Variants in SYNE2 observed in about 807,000 individuals in gnomAD.
SYNE2 encodes spectrin repeat containing nuclear envelope protein 2, also known as nesprin-2.
SYNE2 carries 431 observed loss-of-function variants against 856.3 expected under a neutral mutation model. That is an observed-to-expected ratio of 0.50 (90% CI 0.47 to 0.55). The LOEUF is 0.55. Among genes scored for constraint, SYNE2 ranks in the 20% least tolerant of loss-of-function variants. The pLI is 0.00. For missense variants in SYNE2, 8,129 were observed against 8,023.2 expected (o/e 1.01, Z -0.50); for synonymous variants, 2,923 against 2,872.3 (o/e 1.02, Z -0.56).
chr14:64,019,480 G>A (rs1479876325), intron 34 of SYNE2, among the ~76,000 whole-genome samples: 1 of 152,072 alleles, frequency 6.6e-6, no homozygotes. Context: ...AAGTTTCCTG[G>A]ATAAATGATA....
chr14:64,148,992 T>TTTC (rs1384589224), intron 84 of SYNE2, among the ~76,000 whole-genome samples: 2 of 151,708 alleles, frequency 1.3e-5, no homozygotes, highest in Non-Finnish European at 2.9e-5. Context: ...TTTTTTTTTT[T>TTTC]TCCACTATTC....
At chr14:63,847,577 T>C (rs912424717) in intron 1 of SYNE2, among the ~76,000 whole-genome samples, 4 of 151,784 alleles carry the variant, frequency 2.6e-5, no homozygotes, top group African/African-American at 9.7e-5. Flanking sequence ...GAAGAAAGTA[T>C]GTTCTGTATT....
chr14:64,061,909 C>T (rs551770139), intron 49 of SYNE2, among the ~76,000 whole-genome samples: 20 of 152,316 alleles, frequency 1.3e-4, no homozygotes, highest in African/African-American at 4.6e-4. Context: ...AAAACTGGTC[C>T]TACAACTTTG....
Position 64,049,639 on chromosome 14 carries a change from AAGC to A in SYNE2, c.7410_7412del (p.Ala2471del). The A allele has an allele frequency of 6.2e-7, 1 of 1,614,108 alleles. No individual in the cohort carries two copies. The highest frequency in any genetic ancestry group is 8.5e-7 in the Non-Finnish European group (1 of 1,180,004). On this transcript the variant is annotated inframe_deletion, in exon 47 of 116. Transcript: ENST00000555002. ...TTATATACCCAGTTGGAAGCAAAGA[AAGC>A]AGCCATTAAGCCACTGGAACAAACA...
chr14:64,169,046 A>G lies in SYNE2; in HGVS notation c.17000+75A>G, dbSNP rs988199674. Reference sequence around the variant, plus strand: ...ATTCAGTCAGGGCAGGCTTTCCACCATGTGAACCTTGACCATGTTGGTGCC... The same window carrying G: ...ATTCAGTCAGGGCAGGCTTTCCACCGTGTGAACCTTGACCATGTTGGTGCC... On this transcript the variant is annotated intron_variant, in intron 93 of 115. Transcript: ENST00000555002. 16 of 1,174,074 alleles carry G rather than the reference A, an allele frequency of 1.4e-5. No homozygotes were observed. The African/African-American group carries it at 1.8e-4, about 13-fold the overall frequency. 72.7% of individuals were successfully genotyped at this position (1,174,074 alleles called of 1,614,324 possible). A position where few individuals can be genotyped will look rare whatever the true frequency, so the allele number is the denominator to read the frequency against.
rs1186846720 is a variant in SYNE2, at chr14:64,089,764, T to A, written c.11793+68T>A. ...ATTATGTCTTTTTCAAAATATAATA[T>A]AATGTGATTTAAAAAAGCATTTAGT... On this transcript the variant is annotated intron_variant, in intron 59 of 115. Coordinates refer to ENST00000555002, the MANE Select transcript of SYNE2 (RefSeq NM_182914.3). 3 of 1,316,514 alleles carry A rather than the reference T, an allele frequency of 2.3e-6. No homozygotes were observed. The East Asian group carries it at 7.6e-5, about 34-fold the overall frequency. The allele number at this position is 1,316,514 out of a possible 1,614,324, so 81.6% of individuals were successfully genotyped here.
At chr14:64,135,236 G>A (rs1567414049) in intron 78 of SYNE2, among the ~76,000 whole-genome samples, 3 of 152,122 alleles carry the variant, frequency 2.0e-5, no homozygotes, top group African/African-American at 7.2e-5. Context: ...GCGGCTAGAG[G>A]CAGTTATGAA....
At chr14:64,011,396 G>A (rs2096843879) in intron 32 of SYNE2, among the ~76,000 whole-genome samples, 1 of 152,130 alleles carries the variant, frequency 6.6e-6, no homozygotes, top group South Asian at 2.1e-4. Flanking sequence ...GAAGGGTCCT[G>A]TCCTCTTTCA....
rs1438002299 is a variant in SYNE2, at chr14:64,225,970, A to G, written c.*444A>G. 1 of 304,992 alleles carries G rather than the reference A, an allele frequency of 3.3e-6. No individual in the cohort carries two copies. The highest frequency in any genetic ancestry group is 2.1e-5 in the African/African-American group (1 of 47,574). The allele number at this position is 304,992 out of a possible 1,614,324, so 18.9% of individuals were successfully genotyped here. On this transcript the variant is annotated 3_prime_UTR_variant, in exon 116 of 116. Transcript: ENST00000555002. Reference sequence around the variant, plus strand: ...TAGGCACCCTTAGCTGATGGAAACAATCAATCATATTTAATACGCTTAGAA... The same window carrying G: ...TAGGCACCCTTAGCTGATGGAAACAGTCAATCATATTTAATACGCTTAGAA...
intron 2 of SYNE2, among the ~76,000 whole-genome samples, chr14:63,925,957 G>C (rs536961762): frequency 3.3e-5 from 5 of 151,818 alleles, no homozygotes; most frequent in African/African-American, 1.2e-4. Context: ...GGGCTCAAGC[G>C]ATCCTCCCAC....
At chr14:64,130,006 T>C in intron 75 of SYNE2, 42 bp from the exon 76 acceptor site, 1 of 1,613,302 alleles carries the variant, frequency 6.2e-7, no homozygotes, top group Non-Finnish European at 8.5e-7. Flanking sequence ...ATTGCCCCGG[T>C]TGGATGAAAA....
intron 110 of SYNE2, 73 bp downstream of exon 110, chr14:64,219,483 G>A: frequency 6.7e-7 from 1 of 1,486,412 alleles, no homozygotes; most frequent in Non-Finnish European, 9.4e-7. Context: ...TGGACGAGCA[G>A]ATCCCATGTA....
At chr14:63,960,674 A>G in intron 8 of SYNE2, 1 of 695,266 alleles carries the variant, frequency 1.4e-6, no homozygotes, top group South Asian at 1.5e-5. Flanking sequence ...TTAGGTGTTC[A>G]TTTTGTCTGT....
chr14:64,096,831 G>T (rs557109945), intron 61 of SYNE2, among the ~76,000 whole-genome samples: 26 of 152,270 alleles, frequency 1.7e-4, no homozygotes, highest in Admixed American at 1.1e-3. Flanking sequence ...GAAAATTATT[G>T]CTTCTATGAC....
rs1015188060 is a variant in SYNE2 at position 64,218,387 on chromosome 14, G to A, written c.19543-11G>A. On this transcript the variant is annotated splice_polypyrimidine_tract_variant and intron_variant, in intron 108 of 115. Transcript: ENST00000555002. Reference sequence around the variant, plus strand: ...TCTACAGATGGTAACTTAAAAACTGGCTCATTCTAGGGAAAGCTACTATTA... The same window carrying A: ...TCTACAGATGGTAACTTAAAAACTGACTCATTCTAGGGAAAGCTACTATTA... 1.2e-6 allele frequency: 2 copies of A among 1,612,898 alleles called. No homozygotes were observed. Among genetic ancestry groups the A allele is most frequent in the South Asian group, 1.1e-5 (1 of 90,890 alleles).
At chr14:63,842,638 T>A (rs1170917394) in intron 1 of SYNE2, among the ~76,000 whole-genome samples, 1 of 151,804 alleles carries the variant, frequency 6.6e-6, no homozygotes, top group East Asian at 1.9e-4. Flanking sequence ...TTTGTATTTT[T>A]AGTAGAGATG....
intron 14 of SYNE2, among the ~76,000 whole-genome samples, 185 bp downstream of exon 14, chr14:63,979,199 G>C (rs561211562): frequency 6.6e-6 from 1 of 152,274 alleles, no homozygotes; most frequent in East Asian, 1.9e-4. Context: ...GCACAGGAAA[G>C]AGTAAAAATA....
Position 64,090,901 on chromosome 14 carries a change from C to T in SYNE2, c.11829C>T (p.Thr3943=). The T allele has an allele frequency of 1.9e-6, 3 of 1,614,018 alleles. No homozygotes were observed. Among genetic ancestry groups the T allele is most frequent in the Non-Finnish European group, 8.5e-7 (1 of 1,179,992 alleles). ...ILENIRPMKK[T]IAEIVSYQVE... ...AAAATATACGTCCCATGAAGAAAAC[C>T]ATTGCTGAGATAGTGTCTTACCAAG... Residue 3943 remains threonine, a synonymous_variant, in exon 60 of 116, where the codon ACC becomes ACT. Coordinates refer to ENST00000555002, the MANE Select transcript of SYNE2 (RefSeq NM_182914.3).
chr14:64,170,345 T>C lies in SYNE2; in HGVS notation c.17118T>C (p.Thr5706=), dbSNP rs1273813364. 8 of 1,614,082 alleles carry C rather than the reference T, an allele frequency of 5.0e-6. No individual in the cohort carries two copies. The highest frequency in any genetic ancestry group is 6.8e-6 in the Non-Finnish European group (8 of 1,180,038). The change falls in exon 94 of 116, where the codon ACT becomes ACC. Residue 5706 remains threonine (T), a synonymous_variant. Transcript: ENST00000555002. ...DGLVRQWQDF[T]TSVENLFRFL... is the part of the protein sequence containing the mutation. The stretch of plus-strand genomic sequence containing the variant: ...TGGTGAGGCAGTGGCAAGATTTCAC[T>C]ACTTCTGTGGAGAACTTGTTTCGCT...
Sources: gnomAD v4.1 joint callset for allele counts (sites outside exome capture counted in the v4.1 genomes callset) on GRCh38, gnomAD v4.1.1 for gene constraint, MANE v1.5 for transcripts, NCBI Gene and HGNC (gene_info 2026-07-23, HGNC 2026-07-21) for gene names.